The following ZPLD1 variants were observed in gnomAD, a reference collection of about 807,000 sequenced individuals.
ZPLD1 encodes the protein zona pellucida-like domain-containing protein 1.
In ZPLD1, 34 loss-of-function variants were observed where a neutral mutation model predicts 47.2. That is an observed-to-expected ratio of 0.72 (90% CI 0.55 to 0.96). ZPLD1 has a LOEUF of 0.96. Ranked by LOEUF, ZPLD1 falls within the 40% of genes least tolerant of loss-of-function variation. The probability of loss-of-function intolerance (pLI) is 0.00; values close to 1 mark genes in which losing one functional copy is unlikely to be tolerated. For missense variants in ZPLD1, 512 were observed against 505.8 expected (o/e 1.01, Z -0.12); for synonymous variants, 176 against 186.2 (o/e 0.95, Z 0.45).
intron 7 of ZPLD1, among the ~76,000 whole-genome samples, chr3:102,411,808 T>G (rs976966792): frequency 1.2e-4 from 18 of 151,860 alleles, no homozygotes; most frequent in African/African-American, 4.3e-4. Flanking sequence ...TAAAACTGGC[T>G]TGCTGTATTG....
At chr3:102,452,441 GT>G (rs1168087609) in intron 3 of ZPLD1, among the ~76,000 whole-genome samples, 3 of 151,972 alleles carry the variant, frequency 2.0e-5, no homozygotes, top group Non-Finnish European at 4.4e-5. Context: ...CATAAGATGG[GT>G]TACCAAATGC....
chr3:102,450,719 T>C (rs761530290), intron 3 of ZPLD1, among the ~76,000 whole-genome samples: 2 of 152,168 alleles, frequency 1.3e-5, no homozygotes, highest in Non-Finnish European at 2.9e-5. Context: ...CCAGTTAGGT[T>C]CCTGGACTAG....
At chr3:102,433,077 C>T (rs529303336), upstream of ZPLD1, among the ~76,000 whole-genome samples, 1 of 152,234 alleles carries the variant, frequency 6.6e-6, no homozygotes, top group South Asian at 2.1e-4. Context: ...TGCAGATATG[C>T]AATAAAAATT....
chr3:102,477,556 C>G lies in ZPLD1; in HGVS notation c.1186C>G (p.Leu396Val), dbSNP rs1392515908. ...TCTTCTTCTGTGCTCACTGGCCCTT[C>G]TGCACAGGAAGGGACCCACAAGTTT... The part of the protein sequence containing the change: ...FSLLLCSLAL[L>V]HRKGPTSLVL... The change falls in exon 12 of 12, where the codon CTG (leucine) becomes GTG (valine). Residue 396 changes from leucine to valine, a missense_variant. By Grantham distance (32) the Leu-to-Val change is conservative. Coordinates refer to ENST00000466937, the MANE Select transcript of ZPLD1 (RefSeq NM_001329788.2). The G allele has an allele frequency of 2.5e-6, 4 of 1,613,790 alleles. No individual in the cohort carries two copies. The highest frequency in any genetic ancestry group is 2.7e-5 in the African/African-American group (2 of 74,992).
At chr3:102,416,710 G>A (rs997296945) in intron 7 of ZPLD1, among the ~76,000 whole-genome samples, 8 of 151,932 alleles carry the variant, frequency 5.3e-5, no homozygotes, top group Non-Finnish European at 1.2e-4. Context: ...TGTTTTTAAT[G>A]AGTGCTTAAC....
At chr3:102,425,903 TTAGTTA>T (rs756083883) in intron 8 of ZPLD1, among the ~76,000 whole-genome samples, 2 of 151,030 alleles carry the variant, frequency 1.3e-5, no homozygotes, top group African/African-American at 4.9e-5. Flanking sequence ...GTTCTATAAC[TTAGTTA>T]TAGTTATAGT....
At chr3:102,468,520 G>A (rs1408850424) in intron 8 of ZPLD1, among the ~76,000 whole-genome samples, 5 of 152,066 alleles carry the variant, frequency 3.3e-5, no homozygotes, top group Admixed American at 3.3e-4. Context: ...TCTTTAAAAG[G>A]CGAGGTACCA....
At chr3:102,428,438 C>G (rs888300625) in intron 8 of ZPLD1, among the ~76,000 whole-genome samples, 3 of 152,016 alleles carry the variant, frequency 2.0e-5, no homozygotes, top group Non-Finnish European at 4.4e-5. Context: ...AGGCTCAAAT[C>G]TAGTCATTCC....
At chr3:102,446,600 TAATCC>T (rs532982286) in intron 3 of ZPLD1, among the ~76,000 whole-genome samples, 167 of 152,284 alleles carry the variant, frequency 1.1e-3, no homozygotes, top group African/African-American at 3.9e-3. Context: ...TCTTAGGGCA[TAATCC>T]ACCCACTCAT....
rs576506050 is a variant in ZPLD1, at chr3:102,418,324, C to T, written c.-9+117C>T. 9.9e-5 allele frequency: 15 copies of T among 152,044 alleles called. No homozygotes were observed. The South Asian group carries it at 1.0e-3, about 11-fold the overall frequency. The allele number at this position is 152,044 out of a possible 1,614,324, so 9.4% of individuals were successfully genotyped here. A position where few individuals can be genotyped will look rare whatever the true frequency, so the allele number is the denominator to read the frequency against. On this transcript the variant is annotated intron_variant, in intron 8 of 17. Coordinates refer to the ZPLD1 transcript ENST00000491959. The stretch of plus-strand genomic sequence containing the variant: ...CTTTTTAACACACAAGACAACCTCC[C>T]GCAAAACTCCTGTAGTTGTTGTTGT...
chr3:102,435,271 C>A, intron 1 of ZPLD1, 117 bp downstream of exon 1: 1 of 1,089,306 alleles, frequency 9.2e-7, no homozygotes, highest in South Asian at 1.3e-5. Context: ...TATAGAGATT[C>A]AAAATAGGGA....
At chr3:102,405,256 A>T (rs185244871) in intron 7 of ZPLD1, among the ~76,000 whole-genome samples, 17 of 152,090 alleles carry the variant, frequency 1.1e-4, no homozygotes, top group African/African-American at 3.8e-4. Flanking sequence ...CAGGGAAAAG[A>T]TGAAGTTCCT....
At chr3:102,388,234 G>A (rs568169735) in intron 6 of ZPLD1, among the ~76,000 whole-genome samples, 58 of 152,094 alleles carry the variant, frequency 3.8e-4, no homozygotes, top group African/African-American at 1.1e-3. Flanking sequence ...CTGATCATCC[G>A]AACTACTGTA....
intron 3 of ZPLD1, among the ~76,000 whole-genome samples, chr3:102,441,934 C>G (rs966533999): frequency 1.4e-4 from 21 of 151,990 alleles, no homozygotes; most frequent in African/African-American, 5.1e-4. Flanking sequence ...CAATTTGGAG[C>G]AAGGCTCACA....
chr3:102,452,345 AT>A (rs961918664), intron 3 of ZPLD1, among the ~76,000 whole-genome samples: 1 of 149,562 alleles, frequency 6.7e-6, no homozygotes, highest in Non-Finnish European at 1.5e-5. Context: ...TATCAACACT[AT>A]TTTTTTATTC....
At chr3:102,467,237 T>C (rs1707609062) in intron 8 of ZPLD1, among the ~76,000 whole-genome samples, 1 of 152,082 alleles carries the variant, frequency 6.6e-6, no homozygotes, top group Admixed American at 6.5e-5. Flanking sequence ...ATAAGACTTG[T>C]ATCAAAAATG....
Position 102,452,967 on chromosome 3 carries a change from A to G in ZPLD1, c.155A>G (p.Lys52Arg), listed in dbSNP as rs768381192. Residue 52 changes from lysine (K) to arginine (R), a missense_variant, in exon 4 of 12, where the codon AAG becomes AGG. Physicochemically the swap from Lys to Arg is conservative, Grantham distance 26. Transcript: ENST00000466937. ...TGTGGAGTGCAGGCTATTACGATGA[A>G]GATTAATTTTTGCACGGTACTTTTC... Reference protein sequence around the residue: ...VYCGVQAITMKINFCTVLFSG... With the variant: ...VYCGVQAITMRINFCTVLFSG... 2 of 1,614,080 alleles carry G rather than the reference A, an allele frequency of 1.2e-6. No homozygotes were observed. Among genetic ancestry groups the G allele is most frequent in the East Asian group, 4.5e-5 (2 of 44,880 alleles).
chr3:102,458,194 T>C (rs1347076926), intron 6 of ZPLD1, among the ~76,000 whole-genome samples: 2 of 152,162 alleles, frequency 1.3e-5, no homozygotes, highest in Non-Finnish European at 2.9e-5. Context: ...TTAGGAAATA[T>C]ATATTTTTTT....
At chr3:102,410,560 C>A (rs1163491261) in intron 7 of ZPLD1, among the ~76,000 whole-genome samples, 2 of 151,698 alleles carry the variant, frequency 1.3e-5, no homozygotes, top group Non-Finnish European at 2.9e-5. Context: ...AGAAAAAAAT[C>A]ATTACATCAT....
Sources: gnomAD v4.1 joint callset for allele counts (sites outside exome capture counted in the v4.1 genomes callset) on GRCh38, gnomAD v4.1.1 for gene constraint, MANE v1.5 for transcripts, NCBI Gene and HGNC (gene_info 2026-07-23, HGNC 2026-07-21) for gene names.